DAB1: variants seen among roughly 807,000 people sequenced by gnomAD.
DAB1 encodes DAB adaptor protein 1.
Under a neutral mutation model 64.6 loss-of-function variants are expected in DAB1, and 15 were observed. That is an observed-to-expected ratio of 0.23 (90% confidence interval 0.16 to 0.36). The LOEUF (loss-of-function observed/expected upper bound fraction) is 0.36. DAB1 is among the 10% of genes least tolerant of loss of function. The probability of loss-of-function intolerance (pLI) is 1.00; values close to 1 mark genes in which losing one functional copy is unlikely to be tolerated. For synonymous variants in DAB1, 235 were observed against 251.9 expected, an observed-to-expected ratio of 0.93 and a Z score of 0.64; for missense variants, 596 against 706.7, an observed-to-expected ratio of 0.84 and a Z score of 1.78.
At chr1:57,823,021 G>A (rs1042234040), downstream of DAB1, among the ~76,000 whole-genome samples, 5 of 133,548 alleles carry the variant, frequency 3.7e-5, no homozygotes, top group East Asian at 1.1e-3. Flanking sequence ...GTCTCACTCT[G>A]TCACCCAGGC....
intron 3 of DAB1, among the ~76,000 whole-genome samples, chr1:57,143,829 T>G (rs2100818688): frequency 6.6e-6 from 1 of 152,016 alleles, no homozygotes; most frequent in African/African-American, 2.4e-5. Flanking sequence ...TAACAAGCTT[T>G]TTTTTTTCCT....
chr1:58,516,969 G>A (rs1646167191), intron 2 of DAB1, among the ~76,000 whole-genome samples: 1 of 152,140 alleles, frequency 6.6e-6, no homozygotes, highest in Non-Finnish European at 1.5e-5. Context: ...TTAGGAAAAG[G>A]AGGATTATGT....
At position 57,553,304 on chromosome 1, in the gene DAB1, TA is replaced by T. The variant is rs535482527; in HGVS notation, n.625+96287del. On this transcript the variant is annotated intron_variant and non_coding_transcript_variant, in intron 7 of 20. Transcript: ENST00000485760. The stretch of plus-strand genomic sequence containing the variant: ...ACAGGTAAAAAGATAAGAGCAGTGG[TA>T]ATAGGAACCAATTCAAGAAAGGAAA... 1.5e-4 allele frequency among the ~76,000 whole-genome samples: 22 copies of T among 143,204 alleles called. No homozygotes were observed. The South Asian group carries it at 4.9e-3, about 32-fold the overall frequency. The allele number at this position is 143,204 out of a possible 152,430, so 93.9% of individuals were successfully genotyped here.
intron 7 of DAB1, among the ~76,000 whole-genome samples, chr1:57,481,713 A>G (rs1179467027): frequency 6.6e-6 from 1 of 151,938 alleles, no homozygotes; most frequent in Non-Finnish European, 1.5e-5. Context: ...GCTACCCAGG[A>G]GGCTAAGGCA....
At chr1:58,514,819 G>A (rs1436328151) in intron 2 of DAB1, among the ~76,000 whole-genome samples, 1 of 152,136 alleles carries the variant, frequency 6.6e-6, no homozygotes, top group African/African-American at 2.4e-5. Context: ...GCAAATATAA[G>A]ATGGAAAGTT....
intron 4 of DAB1, among the ~76,000 whole-genome samples, chr1:57,106,403 T>C (rs1352072374): frequency 6.6e-6 from 1 of 152,144 alleles, no homozygotes; most frequent in African/African-American, 2.4e-5. Flanking sequence ...TTTAAATGCT[T>C]CATCACAGAT....
intron 5 of DAB1, among the ~76,000 whole-genome samples, chr1:57,912,343 C>T (rs1397769132): frequency 6.9e-6 from 1 of 144,414 alleles, no homozygotes; most frequent in Non-Finnish European, 1.6e-5. Context: ...CTTTCCAACA[C>T]CTGGAAAAAA....
intron 5 of DAB1, among the ~76,000 whole-genome samples, chr1:58,116,871 G>T (rs561168840): frequency 2.0e-5 from 3 of 152,066 alleles, no homozygotes; most frequent in Non-Finnish European, 4.4e-5. Context: ...CTCATTTTTT[G>T]ATTAAAAAAT....
At chr1:58,538,245 A>G (rs1028417924) in intron 1 of DAB1, among the ~76,000 whole-genome samples, 2 of 152,208 alleles carry the variant, frequency 1.3e-5, no homozygotes, top group Admixed American at 6.5e-5. Context: ...AAATATTATT[A>G]TAAAGGATCA....
Position 58,298,841 on chromosome 1 carries a change from C to G in DAB1, n.309+44511G>C, listed in dbSNP as rs555095280. Among the ~76,000 whole-genome samples the G allele has an allele frequency of 2.1e-4, 32 of 152,334 alleles. 1 individual carries two copies. Among genetic ancestry groups the G allele is most frequent in the Middle Eastern group, 6.8e-3 (2 of 294 alleles). On this transcript the variant is annotated intron_variant and non_coding_transcript_variant, in intron 4 of 20. Transcript: ENST00000485760. ...CACCCCTTCTCTGGGCTCCCAGACCCTTCCAAATTTATCCTTCTTTGTAGC... is the reference window on the plus strand; with the variant it reads ...CACCCCTTCTCTGGGCTCCCAGACCGTTCCAAATTTATCCTTCTTTGTAGC...
At chr1:58,219,025 CTGTGTGTGTG>C (rs56151181) in intron 4 of DAB1, among the ~76,000 whole-genome samples, 2 of 129,474 alleles carry the variant, frequency 1.5e-5, no homozygotes, top group Non-Finnish European at 3.1e-5. Flanking sequence ...CTCTCTCTCT[CTGTGTGTGTG>C]TGTGTGTGTT....
chr1:57,298,575 C>T (rs561456979), intron 1 of DAB1, among the ~76,000 whole-genome samples: 1 of 151,976 alleles, frequency 6.6e-6, no homozygotes, highest in Non-Finnish European at 1.5e-5. Context: ...ATATGGGAGA[C>T]ATATCTTAGC....
At position 57,686,189 on chromosome 1, in the gene DAB1, A is replaced by T. The variant is rs375078113; in HGVS notation, n.552-36524T>A. ...TAACAAAAAAAGGAAGATCCAAATA[A>T]GTATAATCAGAAATGACAAAGATGA... On this transcript the variant is annotated intron_variant and non_coding_transcript_variant, in intron 6 of 20. Coordinates refer to the DAB1 transcript ENST00000485760. Among the ~76,000 whole-genome samples, 197 of 152,294 alleles carry T rather than the reference A, an allele frequency of 1.3e-3. 9 individuals are homozygous for T. The South Asian group carries it at 0.041, about 31-fold the overall frequency.
chr1:58,534,336 A>G (rs763089114), intron 1 of DAB1: 1 of 834,728 alleles, frequency 1.2e-6, no homozygotes, highest in Non-Finnish European at 2.1e-6. Context: ...CATCCACTGA[A>G]AGATTAAAAA....
At chr1:58,462,196 G>A (rs964953230) in intron 3 of DAB1, among the ~76,000 whole-genome samples, 2 of 143,844 alleles carry the variant, frequency 1.4e-5, no homozygotes, top group African/African-American at 2.6e-5. Context: ...GCGCAGTCTC[G>A]GCTCACTGCA....
At chr1:57,963,260 C>T (rs749224521) in intron 5 of DAB1, among the ~76,000 whole-genome samples, 1 of 152,148 alleles carries the variant, frequency 6.6e-6, no homozygotes, top group Non-Finnish European at 1.5e-5. Flanking sequence ...ATGACTAATG[C>T]CATGAAGAAA....
chr1:58,268,050 G>A (rs572708793), intron 4 of DAB1, among the ~76,000 whole-genome samples: 20 of 149,844 alleles, frequency 1.3e-4, no homozygotes, highest in Admixed American at 4.1e-4. Context: ...TGGGCTTTGC[G>A]ATCAGAGATC....
chr1:57,640,030 C>T (rs939362708), intron 7 of DAB1, among the ~76,000 whole-genome samples: 2 of 152,158 alleles, frequency 1.3e-5, no homozygotes. Context: ...GCGGTTCCAT[C>T]AAAGGCCACA....
chr1:58,448,512 C>T (rs1334387053), intron 3 of DAB1, among the ~76,000 whole-genome samples: 1 of 152,164 alleles, frequency 6.6e-6, no homozygotes, highest in Non-Finnish European at 1.5e-5. Flanking sequence ...CTGAAGCATG[C>T]AGTGAAGACT....
Sources: gnomAD v4.1 joint callset for allele counts (sites outside exome capture counted in the v4.1 genomes callset) on GRCh38, gnomAD v4.1.1 for gene constraint, MANE v1.5 for transcripts, NCBI Gene and HGNC (gene_info 2026-07-23, HGNC 2026-07-21) for gene names.